TRPM3: variants seen among roughly 807,000 people sequenced by gnomAD.
TRPM3 encodes the protein transient receptor potential cation channel subfamily M member 3, also known as long transient receptor potential channel 3.
TRPM3 carries 77 observed loss-of-function variants against 181.2 expected under a neutral mutation model. The ratio of observed to expected loss-of-function variants is 0.42; its 90% CI spans 0.35 to 0.51. The LOEUF (loss-of-function observed/expected upper bound fraction) is 0.51, where lower values mean the gene tolerates loss of function less well. Among genes scored for constraint, TRPM3 ranks in the 20% least tolerant of loss-of-function variants. The pLI, the probability that TRPM3 is intolerant of heterozygous loss-of-function variation, is 0.01. For missense variants in TRPM3, 1,759 were observed against 2,196.7 expected, an observed-to-expected ratio of 0.80 and a Z score of 3.98; for synonymous variants, 745 against 796.4, an observed-to-expected ratio of 0.94 and a Z score of 1.09.
Position 70,552,868 on chromosome 9 carries a change from G to C in TRPM3, c.3550C>G (p.Pro1184Ala). ...CTCAGGCCGTAGTCCCTTTCATCCG[G>C]GTCGCTCTCGTGTTTCCTCCATCGG... ...CCRWRKHESDPDERDYGLKLF... is the reference protein window; with the variant it reads ...CCRWRKHESDADERDYGLKLF... The change falls in exon 24 of 26, where the codon CCG becomes GCG. Residue 1184 changes from proline to alanine, a missense_variant. Pro to Ala is a conservative substitution (Grantham distance 27). Around this residue, in one of 8 missense-constraint regions of TRPM3, gnomAD observed 96 missense variants for 129.6 expected, o/e 0.74. Coordinates refer to ENST00000677713, the MANE Select transcript of TRPM3 (RefSeq NM_001366145.2). The C allele has an allele frequency of 6.2e-7, 1 of 1,614,062 alleles. No homozygotes were observed. The highest frequency in any genetic ancestry group is 8.5e-7 in the Non-Finnish European group (1 of 1,180,008).
chr9:71,121,626 G>GCTCCCT, upstream of TRPM3: 1 of 1,203,268 alleles, frequency 8.3e-7, no homozygotes, highest in Non-Finnish European at 1.0e-6. Flanking sequence ...CAGAATGCGC[G>GCTCCCT]CTCCCTCTCC....
rs569436079 is a variant in TRPM3, at chr9:70,890,538, T to A, written c.178-26027A>T. Among the ~76,000 whole-genome samples, 129 of 152,216 alleles carry A rather than the reference T, an allele frequency of 8.5e-4. No individual in the cohort carries two copies. The Middle Eastern group carries it at 0.017, about 20-fold the overall frequency. On this transcript the variant is annotated intron_variant, in intron 1 of 25. Coordinates refer to ENST00000677713, the MANE Select transcript of TRPM3 (RefSeq NM_001366145.2). Reference sequence around the variant, plus strand: ...CCAAAGAATAACGCTGTAGAATTTTTAAAGACCAAGACAAAGATAAGATTC... The same window carrying A: ...CCAAAGAATAACGCTGTAGAATTTTAAAAGACCAAGACAAAGATAAGATTC...
chr9:71,363,177 A>G (rs1199749568), intron 1 of TRPM3, among the ~76,000 whole-genome samples: 1 of 152,222 alleles, frequency 6.6e-6, no homozygotes, highest in African/African-American at 2.4e-5. Flanking sequence ...TGAAGAGTTA[A>G]GATTATATTA....
At chr9:71,211,797 T>C (rs1207379352) in intron 1 of TRPM3, among the ~76,000 whole-genome samples, 1 of 152,166 alleles carries the variant, frequency 6.6e-6, no homozygotes, top group East Asian at 1.9e-4. Flanking sequence ...AGGTGTGACC[T>C]CATCATTTTT....
intron 1 of TRPM3, among the ~76,000 whole-genome samples, chr9:71,429,561 A>C (rs541292056): frequency 6.6e-6 from 1 of 152,336 alleles, no homozygotes; most frequent in South Asian, 2.1e-4. Flanking sequence ...TGTAGTTGGA[A>C]TCTGCAAATA....
intron 1 of TRPM3, among the ~76,000 whole-genome samples, chr9:70,919,420 T>A (rs768022581): frequency 6.6e-6 from 1 of 152,224 alleles, no homozygotes; most frequent in Non-Finnish European, 1.5e-5. Flanking sequence ...AATCTCTTAA[T>A]GTATATTTGT....
intron 1 of TRPM3, among the ~76,000 whole-genome samples, chr9:71,367,957 G>GTATATATATATCATATATA: frequency 6.6e-6 from 1 of 150,756 alleles, no homozygotes; most frequent in Admixed American, 6.6e-5. Flanking sequence ...GTGTGTGTGT[G>GTATATATATATCATATATA]TGTATATATA....
intron 6 of TRPM3, among the ~76,000 whole-genome samples, chr9:70,790,181 C>T (rs541625198): frequency 4.6e-5 from 7 of 152,252 alleles, no homozygotes; most frequent in African/African-American, 2.4e-5. Context: ...ATCTAAAGTG[C>T]GTATGGGTCT....
rs367885538 is a variant in TRPM3, at chr9:71,032,032, A to AT, written c.177+89145_177+89146insA. ...AATATATAATATATATATATAATATAAATATATATATATATATTATATATA... is the reference window on the plus strand; with the variant it reads ...AATATATAATATATATATATAATATATAATATATATATATATATTATATATA... On this transcript the variant is annotated intron_variant, in intron 1 of 25. Coordinates refer to ENST00000677713, the MANE Select transcript of TRPM3 (RefSeq NM_001366145.2). Among the ~76,000 whole-genome samples the AT allele has an allele frequency of 0.036, 298 of 8,168 alleles. 50 individuals carry two copies. In the East Asian group the frequency reaches 0.45, roughly 12 times the overall value. 5.4% of individuals were successfully genotyped at this position (8,168 alleles called of 152,430 possible). A position where few individuals can be genotyped will look rare whatever the true frequency, so the allele number is the denominator to read the frequency against.
chr9:70,550,163 G>A (rs1274843208), intron 24 of TRPM3, among the ~76,000 whole-genome samples: 4 of 152,174 alleles, frequency 2.6e-5, no homozygotes, highest in Admixed American at 1.3e-4. Flanking sequence ...CAGCAACCAC[G>A]AGGATCCAGT....
intron 19 of TRPM3, among the ~76,000 whole-genome samples, chr9:70,608,979 A>AACAC (rs1484897488): frequency 1.3e-5 from 2 of 152,242 alleles, no homozygotes; most frequent in African/African-American, 4.8e-5. Context: ...TGGATGTATG[A>AACAC]ACACAACACT....
chr9:71,068,836 G>A (rs2133485735), intron 1 of TRPM3, among the ~76,000 whole-genome samples: 1 of 152,264 alleles, frequency 6.6e-6, no homozygotes, highest in East Asian at 1.9e-4. Context: ...AACATATGGG[G>A]AAGGGATATG....
At chr9:71,168,610 T>C (rs1375770484) in intron 1 of TRPM3, among the ~76,000 whole-genome samples, 1 of 126,406 alleles carries the variant, frequency 7.9e-6, no homozygotes, top group Non-Finnish European at 1.8e-5. Flanking sequence ...TTTTTATTTA[T>C]TTTTTTATTA....
rs979487749 is a variant in TRPM3, at chr9:71,148,020, C to T, written c.184-283509G>A. Among the ~76,000 whole-genome samples, 64 of 152,050 alleles carry T rather than the reference C, an allele frequency of 4.2e-4. 1 individual carries two copies. The highest frequency in any genetic ancestry group is 1.5e-3 in the African/African-American group (64 of 41,478). On this transcript the variant is annotated intron_variant, in intron 1 of 24. Transcript: ENST00000357533. Reference sequence around the variant, plus strand: ...GCCAGCAAGTCTCCTTCCTTCCTCTCATGGTACTCTATCTAGTTTGGCACT... The same window carrying T: ...GCCAGCAAGTCTCCTTCCTTCCTCTTATGGTACTCTATCTAGTTTGGCACT...
At chr9:71,007,102 A>AG (rs1459754582) in intron 1 of TRPM3, among the ~76,000 whole-genome samples, 89 of 150,336 alleles carry the variant, frequency 5.9e-4, no homozygotes, top group African/African-American at 2.1e-3. Flanking sequence ...AGAAAAAAAA[A>AG]AAAAGAAAAA....
intron 1 of TRPM3, among the ~76,000 whole-genome samples, chr9:71,255,799 A>T (rs1045908277): frequency 1.3e-5 from 2 of 152,154 alleles, no homozygotes; most frequent in African/African-American, 4.8e-5. Context: ...TGCTCATTTT[A>T]GCTGTAAAAA....
At chr9:71,017,792 A>C (rs2097796508) in intron 1 of TRPM3, among the ~76,000 whole-genome samples, 1 of 151,886 alleles carries the variant, frequency 6.6e-6, no homozygotes, top group South Asian at 2.1e-4. Flanking sequence ...TACGCAGGAA[A>C]AATGTCACAA....
chr9:70,821,572 T>A, intron 6 of TRPM3, among the ~76,000 whole-genome samples: 1 of 152,306 alleles, frequency 6.6e-6, no homozygotes, highest in African/African-American at 2.4e-5. Context: ...ATCTGAACAG[T>A]AAAATAAATA....
intron 1 of TRPM3, among the ~76,000 whole-genome samples, chr9:71,385,353 T>G (rs1254998196): frequency 2.6e-5 from 4 of 152,230 alleles, no homozygotes; most frequent in African/African-American, 2.4e-5. Context: ...ATGATCTATA[T>G]GCATAAATCT....
Sources: gnomAD v4.1 joint callset for allele counts (sites outside exome capture counted in the v4.1 genomes callset) on GRCh38, gnomAD v4.1.1 for gene constraint, gnomAD v4.1.1 regional missense constraint, MANE v1.5 for transcripts, NCBI Gene and HGNC (gene_info 2026-07-23, HGNC 2026-07-21) for gene names.